The following TBC1D31 variants were observed in gnomAD, a reference collection of about 807,000 sequenced individuals.
TBC1D31 encodes the protein WD repeat domain 67.
Under a neutral mutation model 132.9 loss-of-function variants are expected in TBC1D31, and 99 were observed. That is an observed-to-expected ratio of 0.74 (90% CI 0.63 to 0.88). TBC1D31 has a LOEUF of 0.88. Among genes scored for constraint, TBC1D31 ranks in the 40% least tolerant of loss-of-function variants. The pLI is 0.00. For missense variants in TBC1D31, 1,134 were observed against 1,256.6 expected, an observed-to-expected ratio of 0.90 and a Z score of 1.48; for synonymous variants, 385 against 419.4, an observed-to-expected ratio of 0.92 and a Z score of 1.00.
intron 11 of TBC1D31, chr8:123,123,141 T>G (rs1468614062): frequency 6.6e-6 from 1 of 152,326 alleles, no homozygotes; most frequent in South Asian, 2.1e-4. Flanking sequence ...AGAGGCAGAA[T>G]GTCATCACAT....
intron 17 of TBC1D31, among the ~76,000 whole-genome samples, chr8:123,135,634 CTG>C (rs1047650933): frequency 6.6e-6 from 1 of 152,168 alleles, no homozygotes; most frequent in African/African-American, 2.4e-5. Context: ...TTAGTGATAA[CTG>C]TGAATTCACA....
In TBC1D31 at chr8:123,140,803, G is replaced by A; in HGVS notation, c.2542G>A (p.Ala848Thr). Residue 848 changes from alanine (A) to threonine (T), a missense_variant, in exon 18 of 22, where the codon GCA becomes ACA. Coordinates refer to ENST00000287380, the MANE Select transcript of TBC1D31 (RefSeq NM_145647.4). ...NQEALAKEMR[A>T]DADAYRRKVD... ...AGAAGCTCTTGCAAAAGAAATGCGA[G>A]CAGATGCAGATGCCTATAGACGAAA... 6.2e-7 allele frequency: 1 copy of A among 1,611,314 alleles called. No homozygotes were observed. The highest frequency in any genetic ancestry group is 8.5e-7 in the Non-Finnish European group (1 of 1,178,944).
At chr8:123,098,010 T>TG in intron 6 of TBC1D31, among the ~76,000 whole-genome samples, 1 of 152,304 alleles carries the variant, frequency 6.6e-6, no homozygotes, top group Non-Finnish European at 1.5e-5. Context: ...AACCTTAACT[T>TG]TCTTGTTTCA....
intron 13 of TBC1D31, 127 bp downstream of exon 13, chr8:123,126,814 T>C (rs1332047335): frequency 1.2e-5 from 9 of 768,680 alleles, no homozygotes; most frequent in Admixed American, 6.3e-5. Flanking sequence ...CGATCTCAGC[T>C]CACTGCAACC....
chr8:123,109,212 G>A, intron 8 of TBC1D31, 105 bp from the exon 9 acceptor site: 1 of 747,778 alleles, frequency 1.3e-6, no homozygotes, highest in South Asian at 1.8e-5. Flanking sequence ...GTCTTACTAT[G>A]TGTTGTTTTC....
intron 6 of TBC1D31, among the ~76,000 whole-genome samples, chr8:123,100,162 T>C (rs1012195962): frequency 3.3e-5 from 5 of 152,172 alleles, no homozygotes; most frequent in Admixed American, 2.0e-4. Context: ...ATGATCTGCC[T>C]GTGGGAAGGG....
chr8:123,083,399 C>T (rs912556009), intron 3 of TBC1D31: 3 of 151,976 alleles, frequency 2.0e-5, no homozygotes, highest in African/African-American at 7.3e-5. Context: ...AAACCTGTTC[C>T]TCCTCATGTA....
chr8:123,115,062 A>G (rs1013348944), intron 10 of TBC1D31, among the ~76,000 whole-genome samples: 2 of 152,244 alleles, frequency 1.3e-5, no homozygotes, highest in African/African-American at 2.4e-5. Context: ...AAATACCCTC[A>G]TAAATATCTT....
At chr8:123,105,136 T>C (rs778608430) in intron 7 of TBC1D31, 152 bp from the exon 8 acceptor site, 114 of 463,228 alleles carry the variant, frequency 2.5e-4, no homozygotes, top group Non-Finnish European at 3.1e-5. Flanking sequence ...TCAAAGCAAA[T>C]GTTCCTAGAC....
In TBC1D31 at chr8:123,150,104, T is replaced by C; in HGVS notation, c.3043T>C (p.Ser1015Pro). ...LPRTSQLNDSSEMDPSTQISL... is the reference protein window; with the variant it reads ...LPRTSQLNDSPEMDPSTQISL... The stretch of plus-strand genomic sequence containing the variant: ...TAGAACCTCACAATTAAATGACTCT[T>C]CTGAAATGGATCCCTCAACACAGAG... Residue 1015 changes from serine to proline, a missense_variant, in exon 21 of 22, where the codon TCT becomes CCT. Ser to Pro is a moderately conservative substitution (Grantham distance 74, BLOSUM62 -1). Transcript: ENST00000287380. 6.2e-7 allele frequency: 1 copy of C among 1,613,688 alleles called. No individual in the cohort carries two copies. Among genetic ancestry groups the C allele is most frequent in the Non-Finnish European group, 8.5e-7 (1 of 1,179,590 alleles).
the TBC1D31 span, among the ~76,000 whole-genome samples, chr8:123,157,681 A>C: frequency 6.6e-6 from 1 of 151,660 alleles, no homozygotes; most frequent in Non-Finnish European, 1.5e-5. Context: ...TTGGGCGAAG[A>C]TGCATAACGA....
intron 2 of TBC1D31, 98 bp downstream of exon 2, chr8:123,077,355 T>A: frequency 8.0e-7 from 1 of 1,255,096 alleles, no homozygotes; most frequent in Non-Finnish European, 1.1e-6. Flanking sequence ...AAAGATTTAT[T>A]AAGTTCTATT....
intron 15 of TBC1D31, among the ~76,000 whole-genome samples, chr8:123,129,854 T>TGTTAATAAG (rs1820436674): frequency 6.6e-6 from 1 of 152,174 alleles, no homozygotes; most frequent in South Asian, 2.1e-4. Context: ...AGGTAAAATG[T>TGTTAATAAG]GTAAATTAAG....
chr8:123,145,025 G>A lies in TBC1D31; in HGVS notation c.2974+170G>A, dbSNP rs57181162. Among the ~76,000 whole-genome samples the A allele has an allele frequency of 9.9e-3, 1,502 of 151,882 alleles. 20 individuals are homozygous for A. The highest frequency in any genetic ancestry group is 0.034 in the African/African-American group (1,421 of 41,394). ...TGCAGCCTCGACCTCCTGAGCTCAA[G>A]CAGTTCTCCCATCTCAGCCTCCCAA... On this transcript the variant is annotated intron_variant, in intron 20 of 21. Coordinates refer to ENST00000287380, the MANE Select transcript of TBC1D31 (RefSeq NM_145647.4).
At position 123,132,314 on chromosome 8, in the gene TBC1D31, T is replaced by C. The variant is rs140636689; in HGVS notation, c.2407-1800T>C. 3.2e-3 allele frequency among the ~76,000 whole-genome samples: 488 copies of C among 152,134 alleles called. 1 individual carries two copies. Among genetic ancestry groups the C allele is most frequent in the African/African-American group, 8.2e-3 (340 of 41,514 alleles). ...GGAATTCTCACCTCTCCCAATCCTA[T>C]TGGAATTTTTATTAGGATTACACTG... On this transcript the variant is annotated intron_variant, in intron 16 of 21. Coordinates refer to ENST00000287380, the MANE Select transcript of TBC1D31 (RefSeq NM_145647.4).
chr8:123,138,004 T>C (rs368330080), intron 17 of TBC1D31, among the ~76,000 whole-genome samples: 2 of 152,330 alleles, frequency 1.3e-5, no homozygotes, highest in East Asian at 1.9e-4. Flanking sequence ...AAAAAGCTAA[T>C]GGACAACTCC....
chr8:123,101,560 G>A (rs372588327), intron 7 of TBC1D31, among the ~76,000 whole-genome samples: 74 of 151,952 alleles, frequency 4.9e-4, no homozygotes, highest in African/African-American at 8.0e-4. Flanking sequence ...GATTACAGGC[G>A]CACGCCACCA....
chr8:123,162,017 C>CA, the TBC1D31 span, among the ~76,000 whole-genome samples: 457 of 75,944 alleles, frequency 6.0e-3, 8 homozygotes, highest in South Asian at 9.9e-3. Flanking sequence ...GAGTCCGACT[C>CA]AAAAAAAAAA....
intron 5 of TBC1D31, among the ~76,000 whole-genome samples, chr8:123,094,461 T>C (rs911867508): frequency 5.3e-5 from 8 of 152,226 alleles, no homozygotes; most frequent in African/African-American, 1.7e-4. Flanking sequence ...AGTTTATCTC[T>C]GAAAGATAAG....
Sources: allele counts gnomAD v4.1 joint callset (sites outside exome capture counted in the v4.1 genomes callset), GRCh38; gene constraint gnomAD v4.1.1; transcripts MANE v1.5; gene names NCBI Gene and HGNC (gene_info 2026-07-23, HGNC 2026-07-21).